Variants in NCAPD3 observed in about 807,000 individuals in gnomAD.
The protein encoded by NCAPD3 is condensin-2 complex subunit D3.
In NCAPD3, 105 loss-of-function variants were observed where a neutral mutation model predicts 182.9. That is an observed-to-expected ratio of 0.57 (90% CI 0.49 to 0.68). The LOEUF is 0.68. Ranked by LOEUF, NCAPD3 falls within the 30% of genes least tolerant of loss-of-function variation. The pLI is 0.00. For synonymous variants in NCAPD3, 815 were observed against 679.9 expected, an observed-to-expected ratio of 1.20 and a Z score of -3.09; for missense variants, 1,944 against 1,837.0, an observed-to-expected ratio of 1.06 and a Z score of -1.07.
rs1397080014 is a variant in NCAPD3 at position 134,173,510 on chromosome 11, T to C, written c.3101+2797A>G. On this transcript the variant is annotated intron_variant, in intron 24 of 34. Transcript: ENST00000534548. Reference sequence around the variant, plus strand: ...CCCCAGCTACTGAGCTGCTGGAGGATAGCAGCACTGGGGCGGCCCCACCAT... The same window carrying C: ...CCCCAGCTACTGAGCTGCTGGAGGACAGCAGCACTGGGGCGGCCCCACCAT... 2.6e-5 allele frequency: 4 copies of C among 153,522 alleles called. No individual in the cohort carries two copies. In the South Asian group the frequency reaches 7.2e-4, roughly 28 times the overall value. 9.5% of individuals were successfully genotyped at this position (153,522 alleles called of 1,614,324 possible).
At chr11:134,170,042 A>C (rs920284987) in intron 24 of NCAPD3, among the ~76,000 whole-genome samples, 1 of 152,208 alleles carries the variant, frequency 6.6e-6, no homozygotes, top group Non-Finnish European at 1.5e-5. Flanking sequence ...TCCTTTCCCC[A>C]GTGGTGCTCC....
At chr11:134,160,638 C>T (rs907590773) in intron 28 of NCAPD3, among the ~76,000 whole-genome samples, 14 of 152,166 alleles carry the variant, frequency 9.2e-5, no homozygotes, top group African/African-American at 3.1e-4. Context: ...GAAAAACATT[C>T]TTAGGTCTTA....
intron 2 of NCAPD3, among the ~76,000 whole-genome samples, chr11:134,219,865 C>G (rs544371722): frequency 6.6e-6 from 1 of 152,028 alleles, no homozygotes; most frequent in African/African-American, 2.4e-5. Context: ...GGCGTGATCT[C>G]GGCTCACTGT....
intron 2 of NCAPD3, among the ~76,000 whole-genome samples, chr11:134,220,254 C>A (rs1447443984): frequency 6.6e-6 from 1 of 150,696 alleles, no homozygotes; most frequent in Non-Finnish European, 1.5e-5. Context: ...CTCCTGAGCT[C>A]AAGCAACTGG....
At chr11:134,156,819 C>T in intron 32 of NCAPD3, 199 bp downstream of exon 32, 1 of 482,608 alleles carries the variant, frequency 2.1e-6, no homozygotes, top group East Asian at 3.3e-5. Flanking sequence ...TGTAACGACA[C>T]TGGAACAACA....
chr11:134,164,880 C>T (rs1943716261), intron 27 of NCAPD3, among the ~76,000 whole-genome samples: 2 of 150,238 alleles, frequency 1.3e-5, no homozygotes, highest in Non-Finnish European at 3.0e-5. Context: ...TACATACTCA[C>T]TTGTGACATG....
intron 28 of NCAPD3, among the ~76,000 whole-genome samples, chr11:134,160,738 A>G (rs1373447858): frequency 1.3e-5 from 2 of 151,762 alleles, no homozygotes; most frequent in Non-Finnish European, 2.9e-5. Flanking sequence ...TGCAGTTCCA[A>G]CTGGGAGGGA....
chr11:134,171,315 G>C (rs1751683973), intron 24 of NCAPD3, among the ~76,000 whole-genome samples: 1 of 152,184 alleles, frequency 6.6e-6, no homozygotes, highest in African/African-American at 2.4e-5. Flanking sequence ...GTAAAAAGAA[G>C]TTATTACTCT....
intron 3 of NCAPD3, among the ~76,000 whole-genome samples, chr11:134,211,895 G>A (rs1591862063): frequency 2.0e-5 from 3 of 152,230 alleles, no homozygotes; most frequent in Non-Finnish European, 2.9e-5. Context: ...ACACAGGAGT[G>A]ACTGAAGTCC....
intron 27 of NCAPD3, 33 bp downstream of exon 27, chr11:134,167,963 G>T (rs764971893): frequency 1.9e-6 from 3 of 1,600,758 alleles, no homozygotes; most frequent in South Asian, 2.2e-5. Context: ...ACTCACTTGT[G>T]AGAAGATGAT....
chr11:134,172,119 T>A (rs911352919), intron 24 of NCAPD3, among the ~76,000 whole-genome samples: 1 of 152,114 alleles, frequency 6.6e-6, no homozygotes, highest in Non-Finnish European at 1.5e-5. Flanking sequence ...GAGTGTGGGC[T>A]GGCTGCTGTT....
At chr11:134,207,421 T>C (rs761227110) in intron 7 of NCAPD3, among the ~76,000 whole-genome samples, 4 of 152,098 alleles carry the variant, frequency 2.6e-5, no homozygotes, top group South Asian at 2.1e-4. Context: ...AAAACCAACA[T>C]TGCCTGACAT....
chr11:134,164,448 G>A (rs1437770159), intron 27 of NCAPD3, among the ~76,000 whole-genome samples: 2 of 152,258 alleles, frequency 1.3e-5, no homozygotes, highest in African/African-American at 2.4e-5. Context: ...TCTGGCAAGA[G>A]TTAAAGCCAT....
chr11:134,209,535 G>A, intron 4 of NCAPD3, 58 bp from the exon 5 acceptor site: 1 of 1,515,338 alleles, frequency 6.6e-7, no homozygotes, highest in Admixed American at 1.9e-5. Context: ...TTTGTCCCAT[G>A]GTTTTCAATT....
chr11:134,160,139 C>A (rs1472058011), intron 28 of NCAPD3, 65 bp from the exon 29 acceptor site: 1 of 1,530,620 alleles, frequency 6.5e-7, no homozygotes, highest in Non-Finnish European at 8.9e-7. Context: ...CCTAAACCCC[C>A]ACGACACACC....
chr11:134,176,236 A>G (rs1434992323), intron 24 of NCAPD3, 71 bp downstream of exon 24: 1 of 1,432,086 alleles, frequency 7.0e-7, no homozygotes, highest in Non-Finnish European at 9.7e-7. Context: ...CAATCTGAAA[A>G]AAAAAGAAAT....
At chr11:134,185,670 T>A in intron 16 of NCAPD3, 144 bp from the exon 17 acceptor site, 1 of 545,320 alleles carries the variant, frequency 1.8e-6, no homozygotes, top group South Asian at 3.5e-5. Flanking sequence ...CGTTCCTAAT[T>A]AGTGGCGTGT....
rs747251017 is a variant in NCAPD3, at chr11:134,210,417, A to G, written c.420T>C (p.Phe140=). 4 of 1,614,078 alleles carry G rather than the reference A, an allele frequency of 2.5e-6. No individual in the cohort carries two copies. In the South Asian group the frequency reaches 4.4e-5, roughly 18 times the overall value. The change falls in exon 4 of 35, where the codon TTT becomes TTC. Residue 140 remains phenylalanine, a synonymous_variant. Transcript: ENST00000534548. ...TCTTTAGAGTCTGAATGCATTTGTC[A>G]AACATCACTGGGTGGAATACTTGAT... ...VANQVFHPVM[F]DKCIQTLKKS...
At position 134,223,548 on chromosome 11, in the gene NCAPD3, T is replaced by G. The variant is rs1565563432; in HGVS notation, c.64+315A>C. On this transcript the variant is annotated intron_variant, in intron 1 of 34. Coordinates refer to ENST00000534548, the MANE Select transcript of NCAPD3 (RefSeq NM_015261.3). ...AGAGATTTGCAATTTAAAACCATCT[T>G]AATAGGTAAGAATAGATAGGTGCAC... 4.3e-6 allele frequency: 3 copies of G among 699,906 alleles called. No homozygotes were observed. The Admixed American group carries it at 6.0e-5, about 14-fold the overall frequency. The allele number at this position is 699,906 out of a possible 1,614,324, so 43.4% of individuals were successfully genotyped here. A position where few individuals can be genotyped will look rare whatever the true frequency, so the allele number is the denominator to read the frequency against.
Sources: allele counts gnomAD v4.1 joint callset (sites outside exome capture counted in the v4.1 genomes callset), GRCh38; gene constraint gnomAD v4.1.1; transcripts MANE v1.5; gene names NCBI Gene and HGNC (gene_info 2026-07-23, HGNC 2026-07-21).